The following NPAS3 variants were observed in gnomAD, a reference collection of about 807,000 sequenced individuals.
The protein encoded by NPAS3 is neuronal PAS domain protein 3.
NPAS3 carries 14 observed loss-of-function variants against 73.1 expected under a neutral mutation model. The ratio of observed to expected loss-of-function variants is 0.19; its 90% confidence interval spans 0.13 to 0.30. The LOEUF is 0.30. NPAS3 is among the 10% of genes least tolerant of loss of function. The pLI, the probability that NPAS3 is intolerant of heterozygous loss-of-function variation, is 1.00. For synonymous variants in NPAS3, 620 were observed against 541.5 expected, an observed-to-expected ratio of 1.14 and a Z score of -2.01; for missense variants, 1,096 against 1,250.0, an observed-to-expected ratio of 0.88 and a Z score of 1.86.
intron 1 of NPAS3, among the ~76,000 whole-genome samples, chr14:33,003,188 T>C (rs768489327): frequency 1.3e-4 from 20 of 151,856 alleles, no homozygotes; most frequent in Non-Finnish European, 1.9e-4. Context: ...AAAAAATAAA[T>C]ACTTATCAGT....
chr14:33,369,349 A>T (rs1314497002), intron 4 of NPAS3, among the ~76,000 whole-genome samples: 1 of 150,002 alleles, frequency 6.7e-6, no homozygotes, highest in Non-Finnish European at 1.5e-5. Flanking sequence ...AGTTTGGAAA[A>T]CATGACTTAA....
At chr14:33,774,256 A>G in intron 7 of NPAS3, 81 bp from the exon 8 acceptor site, 1 of 1,090,964 alleles carries the variant, frequency 9.2e-7, no homozygotes, top group African/African-American at 1.6e-5. Flanking sequence ...TCCAGATGTA[A>G]TTTTGCATTT....
chr14:33,283,906 C>T (rs1004644719), intron 3 of NPAS3, among the ~76,000 whole-genome samples: 6 of 152,084 alleles, frequency 3.9e-5, no homozygotes, highest in African/African-American at 9.7e-5. Context: ...TCATGGATCC[C>T]GTAAACCCTG....
At chr14:33,452,643 C>G (rs375475583) in intron 4 of NPAS3, among the ~76,000 whole-genome samples, 1 of 151,758 alleles carries the variant, frequency 6.6e-6, no homozygotes, top group Non-Finnish European at 1.5e-5. Context: ...GGCATGATGG[C>G]GGGTGCCTGT....
chr14:33,447,212 T>C (rs1464192803), intron 4 of NPAS3, among the ~76,000 whole-genome samples: 1 of 152,226 alleles, frequency 6.6e-6, no homozygotes, highest in Non-Finnish European at 1.5e-5. Flanking sequence ...CAGAGGATAG[T>C]ACTTGTAAGC....
intron 4 of NPAS3, among the ~76,000 whole-genome samples, chr14:33,454,484 G>A (rs948620893): frequency 6.6e-6 from 1 of 152,186 alleles, no homozygotes; most frequent in Admixed American, 6.5e-5. Flanking sequence ...GTTACTCCAT[G>A]AGATGTTCTC....
intron 5 of NPAS3, among the ~76,000 whole-genome samples, chr14:33,613,610 A>T (rs150037241): frequency 0.015 from 2,273 of 152,136 alleles, 29 homozygotes; most frequent in Non-Finnish European, 0.024. Flanking sequence ...GTTCAGGGGA[A>T]TGAATGTCCC....
chr14:32,980,929 A>G (rs2037871289), intron 1 of NPAS3, among the ~76,000 whole-genome samples: 1 of 152,112 alleles, frequency 6.6e-6, no homozygotes, highest in African/African-American at 2.4e-5. Context: ...AGCTATATAT[A>G]CACCCACACA....
intron 1 of NPAS3, among the ~76,000 whole-genome samples, chr14:33,053,073 G>A (rs2040766325): frequency 6.6e-6 from 1 of 152,140 alleles, no homozygotes; most frequent in South Asian, 2.1e-4. Flanking sequence ...AGGTGTAATT[G>A]TTAAGGCGTC....
rs879440952 is a variant in NPAS3, at chr14:33,629,067, T to TA, written c.559-47136dup. 3.2e-4 allele frequency among the ~76,000 whole-genome samples: 48 copies of TA among 151,356 alleles called. 1 individual carries two copies. The highest frequency in any genetic ancestry group is 3.4e-3 in the Middle Eastern group (1 of 294). On this transcript the variant is annotated intron_variant, in intron 5 of 11. Coordinates refer to ENST00000356141, the Ensembl canonical transcript of NPAS3. ...TAACACGGTGAAACCCCGTCTCTAC[T>TA]AAAAAAAATACCAAAAAAATAGCCA...
chr14:33,267,221 G>T (rs1051503047), intron 3 of NPAS3, among the ~76,000 whole-genome samples: 1 of 152,114 alleles, frequency 6.6e-6, no homozygotes, highest in East Asian at 1.9e-4. Context: ...TATTCTTGGG[G>T]TATTAAGAAT....
intron 6 of NPAS3, among the ~76,000 whole-genome samples, chr14:33,699,678 G>A (rs1038788745): frequency 5.3e-5 from 8 of 152,154 alleles, no homozygotes; most frequent in Admixed American, 5.2e-4. Flanking sequence ...TTTCTCCAAG[G>A]TTTCACAGCT....
intron 3 of NPAS3, among the ~76,000 whole-genome samples, chr14:33,306,639 C>T (rs1267499925): frequency 6.6e-6 from 1 of 152,122 alleles, no homozygotes; most frequent in Admixed American, 6.5e-5. Context: ...ATTTGGAGTT[C>T]ATTAATTTGT....
At chr14:33,518,658 ATAC>A (rs1222677480) in intron 4 of NPAS3, among the ~76,000 whole-genome samples, 2 of 145,340 alleles carry the variant, frequency 1.4e-5, no homozygotes, top group Non-Finnish European at 3.0e-5. Flanking sequence ...TTGACCTGGA[ATAC>A]ATCCTCCTTC....
chr14:33,135,884 G>A (rs1338454352), intron 2 of NPAS3, among the ~76,000 whole-genome samples: 3 of 152,030 alleles, frequency 2.0e-5, no homozygotes, highest in Non-Finnish European at 4.4e-5. Context: ...GAACAGAAGT[G>A]GAGGACACTT....
At chr14:33,150,102 C>A (rs1340217263) in intron 2 of NPAS3, among the ~76,000 whole-genome samples, 3 of 152,194 alleles carry the variant, frequency 2.0e-5, no homozygotes, top group African/African-American at 7.2e-5. Context: ...CATGTCCCTG[C>A]AAAGGACATG....
intron 4 of NPAS3, among the ~76,000 whole-genome samples, chr14:33,382,621 G>A (rs914310513): frequency 2.0e-5 from 3 of 152,062 alleles, no homozygotes; most frequent in African/African-American, 4.8e-5. Context: ...TGCAGCTTTG[G>A]GGAATATGTA....
At chr14:33,260,986 C>T (rs243300) in intron 3 of NPAS3, among the ~76,000 whole-genome samples, 141,617 of 152,252 alleles carry the variant, frequency 0.93, 66,112 homozygotes, top group Non-Finnish European at 0.97. Context: ...GTAGAAAGTA[C>T]TGTTTCTCTT....
At chr14:33,757,424 G>A (rs147645512) in intron 7 of NPAS3, among the ~76,000 whole-genome samples, 2 of 152,254 alleles carry the variant, frequency 1.3e-5, no homozygotes, top group African/African-American at 4.8e-5. Flanking sequence ...CTGCTCCAAA[G>A]TTATACAGGC....
Sources: allele counts gnomAD v4.1 joint callset (sites outside exome capture counted in the v4.1 genomes callset), GRCh38; gene constraint gnomAD v4.1.1; transcripts MANE v1.5; gene names NCBI Gene and HGNC (gene_info 2026-07-23, HGNC 2026-07-21).